The following IL7R variants were observed in gnomAD, a reference collection of about 807,000 sequenced individuals.
IL7R encodes the protein interleukin-7 receptor subunit alpha.
A neutral mutation model predicts 47.0 loss-of-function variants in IL7R; 38 were observed. The observed-to-expected ratio is 0.81, with a 90% CI of 0.62 to 1.06. IL7R has a LOEUF of 1.06. IL7R is among the 50% of genes least tolerant of loss of function. IL7R has a pLI of 0.00. For synonymous variants in IL7R, 221 were observed against 199.8 expected (o/e 1.11, Z -0.89); for missense variants, 633 against 534.8 (o/e 1.18, Z -1.81).
intron 1 of IL7R, among the ~76,000 whole-genome samples, chr5:35,858,094 G>A (rs932876242): frequency 6.6e-6 from 1 of 152,126 alleles, no homozygotes; most frequent in Admixed American, 6.5e-5. Flanking sequence ...TTTCCACAAA[G>A]ACTGATGGGA....
In IL7R at chr5:35,871,217, T is replaced by G; in HGVS notation, c.537+4T>G. 1.2e-6 allele frequency: 2 copies of G among 1,608,130 alleles called. No individual in the cohort carries two copies. The highest frequency in any genetic ancestry group is 1.7e-6 in the Non-Finnish European group (2 of 1,174,880). On this transcript the variant is annotated splice_donor_region_variant and intron_variant, in intron 4 of 7. Transcript: ENST00000303115. The stretch of plus-strand genomic sequence containing the variant: ...AAAGGATGAAAACAAATGGACGGTA[T>G]GTAGTTCAACTACATTAATAAAATA...
chr5:35,875,475 G>T (rs780909347), intron 6 of IL7R, 37 bp from the exon 7 acceptor site: 2 of 1,399,022 alleles, frequency 1.4e-6, no homozygotes, highest in East Asian at 4.6e-5. Flanking sequence ...TGTGCCCTCT[G>T]CCATTCACTT....
chr5:35,876,311 A>T lies in IL7R; in HGVS notation c.1205A>T (p.Gln402Leu), dbSNP rs981248889. The T allele has an allele frequency of 6.2e-7, 1 of 1,613,604 alleles. No individual in the cohort carries two copies. The highest frequency in any genetic ancestry group is 8.5e-7 in the Non-Finnish European group (1 of 1,179,652). The change falls in exon 8 of 8, where the codon CAG becomes CTG. Residue 402 changes from glutamine (Q) to leucine (L), a missense_variant. By Grantham distance (113) the Gln-to-Leu change is moderately radical. Coordinates refer to ENST00000303115, the MANE Select transcript of IL7R (RefSeq NM_002185.5). ...GGCAAGAATGGGCCTCATGTGTACC[A>T]GGACCTCCTGCTTAGCCTTGGGACT... is the stretch of plus-strand genomic sequence containing the variant. ...ESGKNGPHVY[Q>L]DLLLSLGTTN...
chr5:35,861,031 G>C (rs771616170), intron 2 of IL7R, 41 bp downstream of exon 2: 4 of 1,598,734 alleles, frequency 2.5e-6, no homozygotes, highest in Non-Finnish European at 3.4e-6. Context: ...GACATCCTCT[G>C]TCTCTCTTTT....
rs201661275 is a variant in IL7R at position 35,876,356 on chromosome 5, C to A, written c.1250C>A (p.Pro417His). ...GGGACTACAAACAGCACGCTGCCCC[C>A]TCCATTTTCTCTCCAATCTGGAATC... ...SLGTTNSTLP[P>H]PFSLQSGILT... is the part of the protein sequence containing the mutation. The change falls in exon 8 of 8, where the codon CCT becomes CAT. Residue 417 changes from proline to histidine, a missense_variant. Transcript: ENST00000303115. 6.2e-7 allele frequency: 1 copy of A among 1,613,286 alleles called. No homozygotes were observed. The highest frequency in any genetic ancestry group is 8.5e-7 in the Non-Finnish European group (1 of 1,179,480).
chr5:35,873,722 A>T (rs1011927409), intron 5 of IL7R, 74 bp downstream of exon 5: 5 of 1,418,968 alleles, frequency 3.5e-6, no homozygotes, highest in Non-Finnish European at 5.0e-6. Flanking sequence ...AGTGAGAGGA[A>T]GATTGTTGAA....
intron 1 of IL7R, among the ~76,000 whole-genome samples, chr5:35,860,359 C>CA (rs1359867649): frequency 6.6e-6 from 1 of 151,998 alleles, no homozygotes; most frequent in Admixed American, 6.6e-5. Context: ...AGATAGCTAT[C>CA]ATTGTCCTTC....
intron 1 of IL7R, among the ~76,000 whole-genome samples, chr5:35,860,109 C>T (rs1048613374): frequency 6.6e-5 from 10 of 152,078 alleles, no homozygotes; most frequent in Non-Finnish European, 4.4e-5. Flanking sequence ...TTCCAGCATC[C>T]TGCTAGAATC....
chr5:35,875,924 C>T lies in IL7R; in HGVS notation c.877-59C>T, dbSNP rs1049667959. Reference sequence around the variant, plus strand: ...TCTATAGACCTACTCCTGAACTGAACATTTGATGGTGTGTCTCTCTGGTGC... The same window carrying T: ...TCTATAGACCTACTCCTGAACTGAATATTTGATGGTGTGTCTCTCTGGTGC... On this transcript the variant is annotated intron_variant, in intron 7 of 7. Transcript: ENST00000303115. 1.8e-5 allele frequency: 29 copies of T among 1,568,788 alleles called. No homozygotes were observed. In the African/African-American group the frequency reaches 2.3e-4, roughly 12 times the overall value.
At chr5:35,875,958 T>C in intron 7 of IL7R, 25 bp from the exon 8 acceptor site, 1 of 1,606,606 alleles carries the variant, frequency 6.2e-7, no homozygotes, top group Non-Finnish European at 8.5e-7. Flanking sequence ...GCCATCTTAA[T>C]ACCCTTTCTC....
At position 35,874,479 on chromosome 5, in the gene IL7R, G is replaced by T. The variant is rs779397627; in HGVS notation, c.737G>T (p.Ser246Ile). Reference sequence around the variant, plus strand: ...ATGGATCCTATCTTACTAACCATCAGCATTTTGAGTTTTTTCTCTGTCGCT... The same window carrying T: ...ATGGATCCTATCTTACTAACCATCATCATTTTGAGTTTTTTCTCTGTCGCT... ...GEMDPILLTI[S>I]ILSFFSVALL... Residue 246 changes from serine (S) to isoleucine (I), a missense_variant, in exon 6 of 8, where the codon AGC becomes ATC. Physicochemically the swap from Ser to Ile is moderately radical, Grantham distance 142 (BLOSUM62 -2). Transcript: ENST00000303115. 1.2e-6 allele frequency: 2 copies of T among 1,613,284 alleles called. No individual in the cohort carries two copies. Among genetic ancestry groups the T allele is most frequent in the South Asian group, 1.1e-5 (1 of 91,064 alleles).
In IL7R at chr5:35,876,571, C is replaced by A; in HGVS notation, c.*85C>A. ...CTAGAGTTCCTAGTCTCCCTCACAG[C>A]ACAGAGAAGACAAAATTAGCAAAAC... On this transcript the variant is annotated 3_prime_UTR_variant, in exon 8 of 8. Coordinates refer to ENST00000303115, the MANE Select transcript of IL7R (RefSeq NM_002185.5). 1.4e-6 allele frequency: 2 copies of A among 1,458,872 alleles called. No homozygotes were observed. Among genetic ancestry groups the A allele is most frequent in the Non-Finnish European group, 1.9e-6 (2 of 1,058,410 alleles). 90.4% of individuals were successfully genotyped at this position (1,458,872 alleles called of 1,614,324 possible). A position where few individuals can be genotyped will look rare whatever the true frequency, so the allele number is the denominator to read the frequency against.
At chr5:35,868,241 T>C (rs1373799581) in intron 3 of IL7R, among the ~76,000 whole-genome samples, 1 of 152,222 alleles carries the variant, frequency 6.6e-6, no homozygotes, top group Non-Finnish European at 1.5e-5. Flanking sequence ...AGTTTACTGA[T>C]TTAAATGTTA....
intron 6 of IL7R, 193 bp from the exon 7 acceptor site, chr5:35,875,319 A>C (rs1760176253): frequency 1.5e-6 from 1 of 653,154 alleles, no homozygotes; most frequent in Non-Finnish European, 2.8e-6. Flanking sequence ...TCTCTGGTCC[A>C]ACCCCTCCTT....
intron 3 of IL7R, among the ~76,000 whole-genome samples, chr5:35,868,961 G>A (rs1169618275): frequency 3.9e-5 from 6 of 152,130 alleles, no homozygotes; most frequent in African/African-American, 9.7e-5. Flanking sequence ...GGAGAGGTAC[G>A]TATGGTACAC....
rs1357895230 is a variant in IL7R, at chr5:35,877,680, AAG to A, written c.*1197_*1198del. On this transcript the variant is annotated 3_prime_UTR_variant, in exon 8 of 8. Coordinates refer to ENST00000303115, the MANE Select transcript of IL7R (RefSeq NM_002185.5). The stretch of plus-strand genomic sequence containing the variant: ...GAGGCTGCCACAAACTTCAGGGAGA[AAG>A]AGTTACAAGTACATGCAATGAGTGA... 4.3e-6 allele frequency: 1 copy of A among 233,266 alleles called. No homozygotes were observed. Among genetic ancestry groups the A allele is most frequent in the African/African-American group, 2.2e-5 (1 of 45,362 alleles). 14.4% of individuals were successfully genotyped at this position (233,266 alleles called of 1,614,324 possible).
intron 2 of IL7R, 120 bp from the exon 3 acceptor site, chr5:35,867,186 C>T (rs1383200807): frequency 1.2e-6 from 1 of 847,640 alleles, no homozygotes; most frequent in Admixed American, 2.0e-5. Context: ...TCCACTCACC[C>T]ACCCACATAC....
chr5:35,868,571 GACA>G (rs1759996503), intron 3 of IL7R, among the ~76,000 whole-genome samples: 1 of 152,208 alleles, frequency 6.6e-6, no homozygotes, highest in South Asian at 2.1e-4. Flanking sequence ...AACTGGCTTT[GACA>G]ACAACAGGGT....
intron 3 of IL7R, among the ~76,000 whole-genome samples, chr5:35,869,428 T>A (rs1377781362): frequency 1.3e-5 from 2 of 152,128 alleles, no homozygotes; most frequent in South Asian, 2.1e-4. Context: ...GACCAGCCGT[T>A]GTGATATGTA....
Sources: gnomAD v4.1 joint callset for allele counts (sites outside exome capture counted in the v4.1 genomes callset) on GRCh38, gnomAD v4.1.1 for gene constraint, MANE v1.5 for transcripts, NCBI Gene and HGNC (gene_info 2026-07-23, HGNC 2026-07-21) for gene names.